The following AGMO variants were observed in gnomAD, a reference collection of about 807,000 sequenced individuals.
AGMO encodes the protein glyceryl-ether monooxygenase.
A neutral mutation model predicts 60.2 loss-of-function variants in AGMO; 75 were observed. That is an observed-to-expected ratio of 1.25 (90% confidence interval 1.03 to 1.51). The LOEUF (loss-of-function observed/expected upper bound fraction) is 1.51, where lower values mean the gene tolerates loss of function less well. Ranked by LOEUF, AGMO falls within the 40% of genes most tolerant of loss-of-function variation. AGMO has a pLI of 0.00. For missense variants in AGMO, 763 were observed against 525.5 expected, an observed-to-expected ratio of 1.45 and a Z score of -4.42; for synonymous variants, 261 against 177.1, an observed-to-expected ratio of 1.47 and a Z score of -3.76.
chr7:15,138,359 T>A, the AGMO span, among the ~76,000 whole-genome samples: 1 of 152,186 alleles, frequency 6.6e-6, no homozygotes, highest in Non-Finnish European at 1.5e-5. Context: ...ATGATTTAAG[T>A]AGAGTTAAGC....
chr7:15,411,861 A>G (rs116447092), intron 5 of AGMO, among the ~76,000 whole-genome samples: 1,736 of 152,222 alleles, frequency 0.011, 14 homozygotes, highest in Middle Eastern at 0.072. Flanking sequence ...TTACCTAAAA[A>G]AAAGTATCTT....
chr7:15,268,334 T>C (rs976133550), intron 12 of AGMO, among the ~76,000 whole-genome samples: 1 of 152,054 alleles, frequency 6.6e-6, no homozygotes, highest in Admixed American at 6.6e-5. Context: ...AATCAAACTT[T>C]ACTTAATCCC....
At chr7:15,393,687 GTGT>G (rs1784245496) in intron 6 of AGMO, among the ~76,000 whole-genome samples, 3 of 152,324 alleles carry the variant, frequency 2.0e-5, no homozygotes, top group East Asian at 3.9e-4. Flanking sequence ...GGAAGGTGAA[GTGT>G]TGTTTATTGG....
At chr7:15,299,804 G>A (rs929002915) in intron 12 of AGMO, among the ~76,000 whole-genome samples, 1 of 139,950 alleles carries the variant, frequency 7.1e-6, no homozygotes, top group Non-Finnish European at 1.5e-5. Context: ...CTCCAGCCTG[G>A]GAGACAGAGC....
At chr7:15,397,263 G>C (rs1054388735) in intron 5 of AGMO, among the ~76,000 whole-genome samples, 3 of 152,028 alleles carry the variant, frequency 2.0e-5, no homozygotes, top group Admixed American at 6.5e-5. Flanking sequence ...CCCAGACCCT[G>C]ATCAAGCCCA....
intron 3 of AGMO, among the ~76,000 whole-genome samples, chr7:15,532,261 A>C (rs1226046558): frequency 6.6e-6 from 1 of 152,182 alleles, no homozygotes; most frequent in African/African-American, 2.4e-5. Context: ...TGGTGTTGAT[A>C]TTAGTGTGTG....
chr7:15,377,666 TA>T (rs1783507112), intron 10 of AGMO, among the ~76,000 whole-genome samples: 1 of 152,090 alleles, frequency 6.6e-6, no homozygotes, highest in South Asian at 2.1e-4. Context: ...CATTGGTTAG[TA>T]TATCAACAGT....
intron 12 of AGMO, among the ~76,000 whole-genome samples, chr7:15,271,760 T>A: frequency 6.6e-6 from 1 of 152,132 alleles, no homozygotes; most frequent in East Asian, 1.9e-4. Context: ...TTAGGGAAAA[T>A]GCTTTTACAT....
intron 12 of AGMO, among the ~76,000 whole-genome samples, chr7:15,332,335 C>G (rs561318630): frequency 1.8e-4 from 28 of 152,172 alleles, no homozygotes; most frequent in African/African-American, 6.7e-4. Context: ...CACTAAATTG[C>G]AAGAAATTGA....
intron 12 of AGMO, among the ~76,000 whole-genome samples, chr7:15,284,241 C>A (rs766355500): frequency 1.3e-5 from 2 of 151,674 alleles, no homozygotes; most frequent in African/African-American, 4.8e-5. Flanking sequence ...CAAAGCAGAA[C>A]AAAATAAAAT....
chr7:15,491,156 T>C (rs961724603), intron 3 of AGMO, among the ~76,000 whole-genome samples: 1 of 152,182 alleles, frequency 6.6e-6, no homozygotes, highest in Non-Finnish European at 1.5e-5. Context: ...TACTGTTATG[T>C]GCAGGCCCTG....
At chr7:15,449,870 C>G (rs1781812798) in intron 3 of AGMO, among the ~76,000 whole-genome samples, 1 of 151,986 alleles carries the variant, frequency 6.6e-6, no homozygotes, top group Non-Finnish European at 1.5e-5. Flanking sequence ...TAATGTCCCA[C>G]TTAAAAAGAA....
At chr7:15,353,123 T>C (rs1260595602) in intron 12 of AGMO, among the ~76,000 whole-genome samples, 2 of 152,140 alleles carry the variant, frequency 1.3e-5, no homozygotes, top group Non-Finnish European at 2.9e-5. Context: ...CTTTTTTAAA[T>C]GTCCAGCAGA....
intron 4 of AGMO, among the ~76,000 whole-genome samples, chr7:15,426,989 C>A (rs1781083333): frequency 6.6e-6 from 1 of 152,054 alleles, no homozygotes; most frequent in Non-Finnish European, 1.5e-5. Flanking sequence ...ATATTCCTTT[C>A]TCTAAACTAT....
chr7:15,489,058 C>T (rs183288831), intron 3 of AGMO, among the ~76,000 whole-genome samples: 152 of 152,210 alleles, frequency 1.0e-3, no homozygotes, highest in African/African-American at 3.3e-3. Context: ...AAATCATATA[C>T]TATATCTTCA....
intron 3 of AGMO, among the ~76,000 whole-genome samples, chr7:15,528,268 T>C (rs765335666): frequency 6.6e-5 from 10 of 152,114 alleles, no homozygotes; most frequent in Non-Finnish European, 1.3e-4. Context: ...ATTGCACACT[T>C]AGTAAACGAC....
At chr7:15,223,647 A>C (rs536619186) in intron 12 of AGMO, among the ~76,000 whole-genome samples, 2 of 151,752 alleles carry the variant, frequency 1.3e-5, no homozygotes, top group Non-Finnish European at 2.9e-5. Context: ...GTTATAAAAA[A>C]CTCCCATAGA....
intron 3 of AGMO, among the ~76,000 whole-genome samples, chr7:15,478,077 C>T (rs1359923139): frequency 6.6e-6 from 1 of 152,058 alleles, no homozygotes; most frequent in Admixed American, 6.6e-5. Flanking sequence ...AGGTATCATC[C>T]ACTCAGGAGT....
intron 3 of AGMO, among the ~76,000 whole-genome samples, chr7:15,511,285 T>C (rs2128530359): frequency 6.6e-6 from 1 of 152,202 alleles, no homozygotes; most frequent in East Asian, 1.9e-4. Flanking sequence ...CTTTTATACG[T>C]AGTATGAAAG....
Sources: gnomAD v4.1 joint callset for allele counts (sites outside exome capture counted in the v4.1 genomes callset) on GRCh38, gnomAD v4.1.1 for gene constraint, MANE v1.5 for transcripts, NCBI Gene and HGNC (gene_info 2026-07-23, HGNC 2026-07-21) for gene names.